DENND5B: variants seen among roughly 807,000 people sequenced by gnomAD.
The protein encoded by DENND5B is DENN domain-containing protein 5B.
Under a neutral mutation model 140.6 loss-of-function variants are expected in DENND5B, and 34 were observed. That is an observed-to-expected ratio of 0.24 (90% CI 0.18 to 0.32). The LOEUF (loss-of-function observed/expected upper bound fraction) is 0.32. DENND5B is among the 10% of genes least tolerant of loss of function. DENND5B has a pLI of 1.00. For synonymous variants in DENND5B, 551 were observed against 562.1 expected (o/e 0.98, Z 0.28); for missense variants, 1,142 against 1,560.2 (o/e 0.73, Z 4.52).
intron 3 of DENND5B, among the ~76,000 whole-genome samples, chr12:31,466,925 T>C (rs73082493): frequency 0.076 from 11,550 of 152,070 alleles, 635 homozygotes; most frequent in Non-Finnish European, 0.12. Context: ...ATCTTAAATA[T>C]AACCAGAGTT....
intron 6 of DENND5B, among the ~76,000 whole-genome samples, chr12:31,445,912 G>T (rs1944255135): frequency 6.6e-6 from 1 of 151,142 alleles, no homozygotes; most frequent in South Asian, 2.1e-4. Context: ...AGGAGGCTGT[G>T]GTAGGAACAT....
rs1357156589 is a variant in DENND5B at position 31,398,327 on chromosome 12, T to C, written c.3104A>G (p.Asp1035Gly). ...AAGAATTCTCTCCAGGCTCCCATCA[T>C]CAATGCCTTTCCCCAGCCACCGCCC... ...PCGRWLGKGI[D>G]DGSLERILIG... The change falls in exon 17 of 21, where the codon GAT becomes GGT. Residue 1035 changes from aspartate (D) to glycine (G), a missense_variant. Asp to Gly is a moderately conservative substitution (Grantham distance 94). Coordinates refer to ENST00000389082, the MANE Select transcript of DENND5B (RefSeq NM_144973.4). 6.4e-7 allele frequency: 1 copy of C among 1,551,920 alleles called. No individual in the cohort carries two copies. The highest frequency in any genetic ancestry group is 1.2e-5 in the South Asian group (1 of 83,892).
chr12:31,524,041 C>CTT lies in DENND5B; in HGVS notation c.128-28124_128-28123dup, dbSNP rs148193944. Among the ~76,000 whole-genome samples, 72 of 121,510 alleles carry CTT rather than the reference C, an allele frequency of 5.9e-4. 1 individual carries two copies. The highest frequency in any genetic ancestry group is 1.7e-3 in the African/African-American group (54 of 31,240). 79.7% of individuals were successfully genotyped at this position (121,510 alleles called of 152,430 possible). On this transcript the variant is annotated intron_variant, in intron 1 of 20. Transcript: ENST00000389082. ...TCTTTTAAGTGAAAACTACTGAGCC[C>CTT]TTTTTTTTTTTTTTTTTTTTTTAGA...
chr12:31,522,923 G>A (rs1170028489), intron 1 of DENND5B, among the ~76,000 whole-genome samples: 1 of 152,008 alleles, frequency 6.6e-6, no homozygotes, highest in South Asian at 2.1e-4. Context: ...AACAACTTTT[G>A]TGTTGTTTTC....
rs111512983 is a variant in DENND5B at position 31,579,530 on chromosome 12, G to A, written c.127+11176C>T. ...ACAAAAATGAGCCAGGCTTGGTGGC[G>A]AGTGCCTGTAGTCCCAGCTACTTGG... On this transcript the variant is annotated intron_variant, in intron 1 of 20. Transcript: ENST00000389082. Among the ~76,000 whole-genome samples, 1,429 of 152,114 alleles carry A rather than the reference G, an allele frequency of 9.4e-3. 17 individuals are homozygous for A. Among genetic ancestry groups the A allele is most frequent in the African/African-American group, 0.032 (1,335 of 41,478 alleles).
rs930339883 is a variant in DENND5B, at chr12:31,567,810, T to G, written c.127+22896A>C. ...TAGGCAAACAGAGCAAGATTCCACC[T>G]CTTTAAAAAACAACAACAACAAAAC... is the stretch of plus-strand genomic sequence containing the variant. On this transcript the variant is annotated intron_variant, in intron 1 of 20. Transcript: ENST00000389082. Among the ~76,000 whole-genome samples, 84 of 152,168 alleles carry G rather than the reference T, an allele frequency of 5.5e-4. 1 individual carries two copies. Among genetic ancestry groups the G allele is most frequent in the African/African-American group, 2.0e-3 (81 of 41,438 alleles).
chr12:31,588,454 G>T (rs1408909961), intron 1 of DENND5B, among the ~76,000 whole-genome samples: 1 of 152,220 alleles, frequency 6.6e-6, no homozygotes, highest in African/African-American at 2.4e-5. Context: ...GATTGAAAAT[G>T]TAGTTAGGCC....
intron 1 of DENND5B, among the ~76,000 whole-genome samples, chr12:31,501,649 T>C (rs535311357): frequency 4.3e-4 from 65 of 151,960 alleles, no homozygotes; most frequent in Non-Finnish European, 6.3e-4. Flanking sequence ...GGTGCATGCC[T>C]GTAGTCCCAG....
Position 31,544,262 on chromosome 12 carries a change from T to C in DENND5B, c.127+46444A>G, listed in dbSNP as rs529839927. On this transcript the variant is annotated intron_variant, in intron 1 of 20. Coordinates refer to ENST00000389082, the MANE Select transcript of DENND5B (RefSeq NM_144973.4). ...ATTCATAAAAATATTTTAGAAGATA[T>C]TATCAATGTCACATTTTTAATTTTA... Among the ~76,000 whole-genome samples, 3 of 152,338 alleles carry C rather than the reference T, an allele frequency of 2.0e-5. No individual in the cohort carries two copies. The East Asian group carries it at 5.8e-4, about 29-fold the overall frequency.
intron 13 of DENND5B, among the ~76,000 whole-genome samples, chr12:31,410,865 T>C (rs1294717358): frequency 6.6e-6 from 1 of 152,190 alleles, no homozygotes; most frequent in African/African-American, 2.4e-5. Flanking sequence ...TGGTACACTG[T>C]TAAGCTAATA....
intron 2 of DENND5B, among the ~76,000 whole-genome samples, chr12:31,485,997 A>G (rs544976110): frequency 6.6e-6 from 1 of 152,362 alleles, no homozygotes; most frequent in South Asian, 2.1e-4. Context: ...GCAGCCAACC[A>G]AAAGCTACCT....
rs1333018431 is a variant in DENND5B, at chr12:31,415,402, C to A, written c.2517G>T (p.Leu839Phe). The stretch of plus-strand genomic sequence containing the variant: ...GAATAAGAGAGACCCTGAGCGTTGG[C>A]AACATAACTCCTGAGTCAGATTTTC... ...ERRKSDSGVM[L>F]PTLRVSLIQD... Residue 839 changes from leucine to phenylalanine, a missense_variant, in exon 12 of 21, where the codon TTG becomes TTT. Transcript: ENST00000389082. 5 of 1,610,446 alleles carry A rather than the reference C, an allele frequency of 3.1e-6. No individual in the cohort carries two copies. Among genetic ancestry groups the A allele is most frequent in the Non-Finnish European group, 4.2e-6 (5 of 1,178,180 alleles).
chr12:31,559,319 C>T (rs1201614532), intron 1 of DENND5B, among the ~76,000 whole-genome samples: 1 of 152,154 alleles, frequency 6.6e-6, no homozygotes, highest in African/African-American at 2.4e-5. Context: ...TAAAAGAGGA[C>T]ACTGTCTCCT....
chr12:31,564,968 A>C (rs1426317121), intron 1 of DENND5B, among the ~76,000 whole-genome samples: 4 of 152,092 alleles, frequency 2.6e-5, no homozygotes, highest in Admixed American at 2.6e-4. Context: ...GCACACTACT[A>C]TTGCTTTAGT....
intron 1 of DENND5B, among the ~76,000 whole-genome samples, chr12:31,585,177 A>G (rs10843971): frequency 0.4 from 60,541 of 151,974 alleles, 12,724 homozygotes; most frequent in East Asian, 0.57. Context: ...AAATTTCAAC[A>G]TGAGGTTTGG....
rs776026388 is a variant in DENND5B at position 31,447,526 on chromosome 12, T to A, written c.1861+12A>T. The A allele has an allele frequency of 1.6e-5, 26 of 1,591,888 alleles. No homozygotes were observed. Among genetic ancestry groups the A allele is most frequent in the Non-Finnish European group, 1.8e-5 (21 of 1,166,878 alleles). Reference sequence around the variant, plus strand: ...GGATTTTAATTTAATTTAAAAGGCATGGCAAATGTACCTGCTTCTTTTAAA... The same window carrying A: ...GGATTTTAATTTAATTTAAAAGGCAAGGCAAATGTACCTGCTTCTTTTAAA... On this transcript the variant is annotated intron_variant, in intron 6 of 20. Transcript: ENST00000389082.
Position 31,404,759 on chromosome 12 carries a change from C to CTTTTTTTTTTTTTTTTTTTTTTTTTTTT in DENND5B, c.2804-2117_2804-2116insAAAAAAAAAAAAAAAAAAAAAAAAAAAA, listed in dbSNP as rs71062425. Among the ~76,000 whole-genome samples the CTTTTTTTTTTTTTTTTTTTTTTTTTTTT allele has an allele frequency of 4.1e-5, 3 of 74,064 alleles. 1 individual carries two copies. The highest frequency in any genetic ancestry group is 7.3e-5 in the Non-Finnish European group (3 of 41,048). The allele number at this position is 74,064 out of a possible 152,430, so 48.6% of individuals were successfully genotyped here. On this transcript the variant is annotated intron_variant, in intron 14 of 20. Transcript: ENST00000389082. ...ATAAGCCACCGCGTCCGACCTCTAG[C>CTTTTTTTTTTTTTTTTTTTTTTTTTTTT]TTTTTTTTTTTTTTTTTGAGACAGA...
intron 8 of DENND5B, among the ~76,000 whole-genome samples, chr12:31,428,958 C>A (rs1024123513): frequency 1.3e-5 from 2 of 152,082 alleles, no homozygotes; most frequent in Non-Finnish European, 2.9e-5. Context: ...GTCTCAATCT[C>A]CTGACCTCGT....
At chr12:31,533,540 T>A (rs1948370741) in intron 1 of DENND5B, among the ~76,000 whole-genome samples, 1 of 152,228 alleles carries the variant, frequency 6.6e-6, no homozygotes, top group Admixed American at 6.5e-5. Context: ...CTTTGCTTTG[T>A]AAGGTTTCTA....
Sources: gnomAD v4.1 joint callset for allele counts (sites outside exome capture counted in the v4.1 genomes callset) on GRCh38, gnomAD v4.1.1 for gene constraint, MANE v1.5 for transcripts, NCBI Gene and HGNC (gene_info 2026-07-23, HGNC 2026-07-21) for gene names.